TBC1D2B: variants seen among roughly 807,000 people sequenced by gnomAD.
TBC1D2B encodes TBC1 domain family, member 2B.
Under a neutral mutation model 100.8 loss-of-function variants are expected in TBC1D2B, and 64 were observed. That is an observed-to-expected ratio of 0.64 (90% CI 0.52 to 0.78). TBC1D2B has a LOEUF of 0.78. Ranked by LOEUF, TBC1D2B falls within the 30% of genes least tolerant of loss-of-function variation. The probability of loss-of-function intolerance (pLI) is 0.00; values close to 1 mark genes in which losing one functional copy is unlikely to be tolerated. For missense variants in TBC1D2B, 1,052 were observed against 1,218.4 expected (o/e 0.86, Z 2.03); for synonymous variants, 480 against 479.7 (o/e 1.00, Z -0.01).
intron 1 of TBC1D2B, among the ~76,000 whole-genome samples, chr15:78,071,719 G>C (rs1166677099): frequency 6.6e-6 from 1 of 152,216 alleles, no homozygotes; most frequent in African/African-American, 2.4e-5. Context: ...CACTTCTAAA[G>C]GGTCAGGGCT....
At chr15:78,074,324 TCTC>T (rs2073793439) in intron 1 of TBC1D2B, among the ~76,000 whole-genome samples, 1 of 152,060 alleles carries the variant, frequency 6.6e-6, no homozygotes, top group African/African-American at 2.4e-5. Context: ...CGCCCGGCCT[TCTC>T]CTCCCTTCTT....
intron 1 of TBC1D2B, among the ~76,000 whole-genome samples, chr15:78,076,949 G>C (rs1376068616): frequency 6.6e-6 from 1 of 152,256 alleles, no homozygotes; most frequent in Non-Finnish European, 1.5e-5. Flanking sequence ...AGGGGTAGAA[G>C]CCTACGCTCA....
At chr15:78,077,164 G>C in intron 1 of TBC1D2B, 129 bp downstream of exon 1, 1 of 1,262,026 alleles carries the variant, frequency 7.9e-7, no homozygotes, top group Non-Finnish European at 1.0e-6. Context: ...GGAGAAGCAG[G>C]GAAAGGCAGG....
At chr15:78,028,782 A>T (rs2072735532) in intron 4 of TBC1D2B, among the ~76,000 whole-genome samples, 1 of 152,218 alleles carries the variant, frequency 6.6e-6, no homozygotes, top group Non-Finnish European at 1.5e-5. Context: ...ACCCCACAGA[A>T]ATACAATCAG....
rs1192020940 is a variant in TBC1D2B at position 78,017,939 on chromosome 15, T to C, written c.1489A>G (p.Lys497Glu). Residue 497 changes from lysine to glutamate, a missense_variant, in exon 7 of 13, where the codon AAA becomes GAA. Physicochemically the swap from Lys to Glu is moderately conservative, Grantham distance 56. Transcript: ENST00000300584. Reference protein sequence around the residue: ...DRLKDNLQGYKTQNKFLNKEI... With the variant: ...DRLKDNLQGYETQNKFLNKEI... ...TTATTTAGAAATTTGTTTTGGGTTT[T>C]GTACCCCTGTAGATTATCCTGTTAG... The C allele has an allele frequency of 7.5e-6, 12 of 1,600,760 alleles. No individual in the cohort carries two copies. Among genetic ancestry groups the C allele is most frequent in the African/African-American group, 2.7e-5 (2 of 74,716 alleles).
chr15:78,025,961 C>T (rs1181442356), intron 4 of TBC1D2B, among the ~76,000 whole-genome samples: 1 of 151,244 alleles, frequency 6.6e-6, no homozygotes. Flanking sequence ...ACTCTGCCCC[C>T]ACTGCATTCT....
chr15:78,067,990 C>T (rs1404392787), intron 1 of TBC1D2B, among the ~76,000 whole-genome samples: 1 of 152,234 alleles, frequency 6.6e-6, no homozygotes, highest in Non-Finnish European at 1.5e-5. Flanking sequence ...AATTATTACA[C>T]AAATCACAGA....
chr15:78,002,376 G>C (rs569172553), intron 11 of TBC1D2B: 1 of 152,078 alleles, frequency 6.6e-6, no homozygotes, highest in South Asian at 2.1e-4. Context: ...TACAGATGGG[G>C]TTTCACCATG....
intron 1 of TBC1D2B, among the ~76,000 whole-genome samples, chr15:78,067,026 T>A (rs2073669434): frequency 6.6e-6 from 1 of 152,210 alleles, no homozygotes; most frequent in South Asian, 2.1e-4. Context: ...AGTCTCCATA[T>A]ACAACTACTA....
chr15:78,023,700 G>C (rs1169473754), intron 6 of TBC1D2B, among the ~76,000 whole-genome samples: 2 of 152,170 alleles, frequency 1.3e-5, no homozygotes, highest in Non-Finnish European at 2.9e-5. Context: ...AGGCCTACTT[G>C]GAAGCTGGAG....
chr15:78,025,889 C>T (rs2072654038), intron 4 of TBC1D2B, among the ~76,000 whole-genome samples: 1 of 151,634 alleles, frequency 6.6e-6, no homozygotes, highest in African/African-American at 2.4e-5. Context: ...ATAAAGCATC[C>T]CCACAAATCA....
rs1440505524 is a variant in TBC1D2B at position 77,997,464 on chromosome 15, A to C, written c.*696T>G. On this transcript the variant is annotated 3_prime_UTR_variant, in exon 13 of 13. Coordinates refer to ENST00000300584, the MANE Select transcript of TBC1D2B (RefSeq NM_144572.2). ...AGTGATCTGCAAACACAGGCTGGCC[A>C]TGAGAAGTGAGGGTGGGTGTCTGGG... 1 of 152,298 alleles carries C rather than the reference A, an allele frequency of 6.6e-6. No individual in the cohort carries two copies. Among genetic ancestry groups the C allele is most frequent in the East Asian group, 1.9e-4 (1 of 5,200 alleles). 9.4% of individuals were successfully genotyped at this position (152,298 alleles called of 1,614,324 possible). A position where few individuals can be genotyped will look rare whatever the true frequency, so the allele number is the denominator to read the frequency against.
At position 78,044,905 on chromosome 15, in the gene TBC1D2B, C is replaced by A; in HGVS notation, c.678G>T (p.Glu226Asp). ...GCTGCTTTCTAAAGACTCACTTGAG[C>A]TCATTGCCCCACTGTTTCAAAGAGT... ...NFYSLKQWGNELKNSMSSFRP... is the reference protein window; with the variant it reads ...NFYSLKQWGNDLKNSMSSFRP... Residue 226 changes from glutamate to aspartate, a missense_variant, in exon 3 of 13, where the codon GAG becomes GAT. Glu to Asp is a conservative substitution (Grantham distance 45). Coordinates refer to ENST00000300584, the MANE Select transcript of TBC1D2B (RefSeq NM_144572.2). 1 of 1,609,170 alleles carries A rather than the reference C, an allele frequency of 6.2e-7. No individual in the cohort carries two copies. The highest frequency in any genetic ancestry group is 8.5e-7 in the Non-Finnish European group (1 of 1,177,054).
At chr15:78,010,993 AC>A (rs1266561837) in intron 9 of TBC1D2B, among the ~76,000 whole-genome samples, 1 of 152,228 alleles carries the variant, frequency 6.6e-6, no homozygotes, top group Non-Finnish European at 1.5e-5. Flanking sequence ...TCAAGTCCTC[AC>A]CAGGACCCTG....
chr15:78,035,256 T>A (rs1452351390), intron 3 of TBC1D2B, among the ~76,000 whole-genome samples: 1 of 152,240 alleles, frequency 6.6e-6, no homozygotes, highest in Non-Finnish European at 1.5e-5. Context: ...GAAAACCTCT[T>A]TCCGGTGGAG....
intron 6 of TBC1D2B, among the ~76,000 whole-genome samples, chr15:78,019,002 T>A (rs1234744214): frequency 6.6e-6 from 1 of 151,986 alleles, no homozygotes; most frequent in Non-Finnish European, 1.5e-5. Flanking sequence ...AATCTCCCAG[T>A]CACAGAAGAA....
chr15:78,025,208 G>A (rs372237397), intron 5 of TBC1D2B, 51 bp downstream of exon 5: 26 of 1,530,822 alleles, frequency 1.7e-5, no homozygotes, highest in African/African-American at 1.4e-4. Context: ...TACTCCTCCC[G>A]TCCTTGGCCT....
At chr15:78,036,904 A>G (rs150924557) in intron 3 of TBC1D2B, among the ~76,000 whole-genome samples, 3 of 152,344 alleles carry the variant, frequency 2.0e-5, no homozygotes, top group Non-Finnish European at 4.4e-5. Context: ...AAGTCAGAAT[A>G]TATTTACTTC....
intron 1 of TBC1D2B, among the ~76,000 whole-genome samples, chr15:78,070,758 A>G (rs2073730802): frequency 6.6e-6 from 1 of 152,202 alleles, no homozygotes; most frequent in Non-Finnish European, 1.5e-5. Flanking sequence ...CCTGGGATCA[A>G]GCAGTCCTCC....
Sources: allele counts gnomAD v4.1 joint callset (sites outside exome capture counted in the v4.1 genomes callset), GRCh38; gene constraint gnomAD v4.1.1; transcripts MANE v1.5; gene names NCBI Gene and HGNC (gene_info 2026-07-23, HGNC 2026-07-21).